PPP3CA: variants seen among roughly 807,000 people sequenced by gnomAD.
PPP3CA encodes protein phosphatase 3 catalytic subunit alpha.
A neutral mutation model predicts 66.5 loss-of-function variants in PPP3CA; 14 were observed. The observed-to-expected ratio is 0.21, with a 90% CI of 0.14 to 0.33. The LOEUF is 0.33. PPP3CA is among the 10% of genes least tolerant of loss of function. The pLI is 1.00. For synonymous variants in PPP3CA, 232 were observed against 226.2 expected (o/e 1.03, Z -0.23); for missense variants, 317 against 639.5 (o/e 0.50, Z 5.44).
rs1726543999 is a variant in PPP3CA, at chr4:101,024,651, A to G, written c.*1214T>C. ...ACATTAACAGTTGCCATGCATTTAG[A>G]GTTTCACATGTAACTACAAACTTAT... On this transcript the variant is annotated 3_prime_UTR_variant, in exon 14 of 14. Coordinates refer to ENST00000394854, the MANE Select transcript of PPP3CA (RefSeq NM_000944.5). The G allele has an allele frequency of 6.6e-6, 1 of 152,664 alleles. No homozygotes were observed. The highest frequency in any genetic ancestry group is 1.5e-5 in the Non-Finnish European group (1 of 68,036). The allele number at this position is 152,664 out of a possible 1,614,324, so 9.5% of individuals were successfully genotyped here. A position where few individuals can be genotyped will look rare whatever the true frequency, so the allele number is the denominator to read the frequency against.
At chr4:101,256,637 A>G (rs1423508662) in intron 1 of PPP3CA, among the ~76,000 whole-genome samples, 2 of 152,000 alleles carry the variant, frequency 1.3e-5, no homozygotes, top group Non-Finnish European at 2.9e-5. Flanking sequence ...TTAAACTGAG[A>G]TATGATGATT....
intron 2 of PPP3CA, among the ~76,000 whole-genome samples, chr4:101,153,646 C>A (rs1402734910): frequency 2.0e-5 from 3 of 152,130 alleles, no homozygotes; most frequent in African/African-American, 7.2e-5. Context: ...AATTAGAAAA[C>A]CAAACTAAGA....
chr4:101,256,891 T>C (rs1305281901), intron 1 of PPP3CA, among the ~76,000 whole-genome samples: 1 of 152,028 alleles, frequency 6.6e-6, no homozygotes, highest in Admixed American at 6.6e-5. Context: ...AGTATATTAT[T>C]TTGTTTAACA....
In PPP3CA at chr4:101,098,395, T is replaced by G; in HGVS notation, c.614A>C (p.Glu205Ala). 1 of 1,609,882 alleles carries G rather than the reference T, an allele frequency of 6.2e-7. No homozygotes were observed. Among genetic ancestry groups the G allele is most frequent in the Non-Finnish European group, 8.5e-7 (1 of 1,178,356 alleles). The change falls in exon 5 of 14, where the codon GAG (glutamate) becomes GCG (alanine). Residue 205 changes from glutamate to alanine, a missense_variant. Coordinates refer to ENST00000394854, the MANE Select transcript of PPP3CA (RefSeq NM_000944.5). ...TCTGATATCATCTAAAGTGTTAATCTCTGGAGACAAACCACCATGCACACA... is the reference window on the plus strand; with the variant it reads ...TCTGATATCATCTAAAGTGTTAATCGCTGGAGACAAACCACCATGCACACA... The part of the protein sequence containing the change: ...FLCVHGGLSP[E>A]INTLDDIRKL...
At chr4:101,213,015 C>A (rs185588789) in intron 1 of PPP3CA, among the ~76,000 whole-genome samples, 1 of 152,076 alleles carries the variant, frequency 6.6e-6, no homozygotes, top group African/African-American at 2.4e-5. Context: ...AAAACTCAGT[C>A]CTCCTGACAC....
chr4:101,239,958 T>G (rs1398599800), intron 1 of PPP3CA, among the ~76,000 whole-genome samples: 3 of 149,296 alleles, frequency 2.0e-5, no homozygotes, highest in Non-Finnish European at 4.4e-5. Context: ...TAAGCAAATA[T>G]AATCTAGCAT....
intron 10 of PPP3CA, among the ~76,000 whole-genome samples, chr4:101,056,640 A>G (rs542285930): frequency 1.3e-5 from 2 of 152,250 alleles, no homozygotes; most frequent in African/African-American, 4.8e-5. Flanking sequence ...AAAATAAGCA[A>G]CAATTTAAGG....
intron 1 of PPP3CA, among the ~76,000 whole-genome samples, chr4:101,226,196 A>G (rs1278130732): frequency 1.3e-5 from 2 of 151,770 alleles, no homozygotes; most frequent in Non-Finnish European, 2.9e-5. Flanking sequence ...TGAACTATTC[A>G]GGACTCCAGG....
chr4:101,175,686 C>G lies in PPP3CA; in HGVS notation c.259+20230G>C, dbSNP rs530760538. Reference sequence around the variant, plus strand: ...AAAAGATGTGTATGCCTGAGTCTGTCCTATATTGTTGATGAGAAAGAAGCA... The same window carrying G: ...AAAAGATGTGTATGCCTGAGTCTGTGCTATATTGTTGATGAGAAAGAAGCA... On this transcript the variant is annotated intron_variant, in intron 2 of 13. Transcript: ENST00000394854. Among the ~76,000 whole-genome samples, 218 of 152,238 alleles carry G rather than the reference C, an allele frequency of 1.4e-3. 1 individual carries two copies. Among genetic ancestry groups the G allele is most frequent in the African/African-American group, 5.1e-3 (211 of 41,560 alleles).
intron 1 of PPP3CA, among the ~76,000 whole-genome samples, chr4:101,238,178 G>C (rs1312821920): frequency 6.6e-6 from 1 of 151,966 alleles, no homozygotes; most frequent in Non-Finnish European, 1.5e-5. Flanking sequence ...CATTTTCAAA[G>C]CATAAGACAA....
At chr4:101,093,406 GT>G (rs148814688) in intron 6 of PPP3CA, among the ~76,000 whole-genome samples, 1,517 of 142,510 alleles carry the variant, frequency 0.011, 11 homozygotes, top group African/African-American at 0.013. Context: ...ATGTACATTT[GT>G]TTTTTTTTTT....
chr4:101,064,941 C>A (rs1728619724), intron 8 of PPP3CA, among the ~76,000 whole-genome samples: 1 of 151,972 alleles, frequency 6.6e-6, no homozygotes, highest in African/African-American at 2.4e-5. Flanking sequence ...AAGGCCTTTG[C>A]TTTGAATTGC....
chr4:101,039,541 G>C (rs1727411215), intron 11 of PPP3CA, among the ~76,000 whole-genome samples: 1 of 144,340 alleles, frequency 6.9e-6, no homozygotes, highest in African/African-American at 2.5e-5. Context: ...GGCTACCACA[G>C]AGTTCTCACT....
intron 1 of PPP3CA, among the ~76,000 whole-genome samples, chr4:101,222,762 A>T (rs1725666799): frequency 6.6e-6 from 1 of 151,844 alleles, no homozygotes; most frequent in South Asian, 2.1e-4. Flanking sequence ...ACAAATATGA[A>T]CGAACTTTCA....
At chr4:101,238,489 T>TA (rs1560674569) in intron 1 of PPP3CA, among the ~76,000 whole-genome samples, 3 of 151,730 alleles carry the variant, frequency 2.0e-5, no homozygotes, top group African/African-American at 4.8e-5. Flanking sequence ...CAAAGCTGAT[T>TA]AAAAAAATGG....
intron 1 of PPP3CA, among the ~76,000 whole-genome samples, chr4:101,268,036 G>A (rs978791060): frequency 6.6e-6 from 1 of 152,006 alleles, no homozygotes; most frequent in Admixed American, 6.6e-5. Flanking sequence ...GCCAAGCATG[G>A]TGGTATGTGC....
In PPP3CA at chr4:101,024,490, T is replaced by C. The variant is rs1159114734; in HGVS notation, c.*1375A>G. On this transcript the variant is annotated 3_prime_UTR_variant, in exon 14 of 14. Transcript: ENST00000394854. ...GCACTTATACAATTGTTAAAAAATA[T>C]GAATGGACTTTTGTTGTTGTTGTTT... The C allele has an allele frequency of 1.3e-5, 2 of 152,668 alleles. No individual in the cohort carries two copies. Among genetic ancestry groups the C allele is most frequent in the African/African-American group, 4.8e-5 (2 of 41,462 alleles). 9.5% of individuals were successfully genotyped at this position (152,668 alleles called of 1,614,324 possible).
intron 1 of PPP3CA, among the ~76,000 whole-genome samples, chr4:101,251,973 C>G (rs1416588098): frequency 1.3e-5 from 2 of 152,102 alleles, no homozygotes; most frequent in Non-Finnish European, 2.9e-5. Flanking sequence ...GGACCAGATC[C>G]CCCTGCAAGA....
At chr4:101,257,793 A>G (rs951805878) in intron 1 of PPP3CA, among the ~76,000 whole-genome samples, 8 of 152,084 alleles carry the variant, frequency 5.3e-5, no homozygotes, top group Non-Finnish European at 8.8e-5. Context: ...CATTATTTGT[A>G]TTTAGGATAT....
Sources: allele counts gnomAD v4.1 joint callset (sites outside exome capture counted in the v4.1 genomes callset), GRCh38; gene constraint gnomAD v4.1.1; transcripts MANE v1.5; gene names NCBI Gene and HGNC (gene_info 2026-07-23, HGNC 2026-07-21).